BRWD1: variants seen among roughly 807,000 people sequenced by gnomAD.
BRWD1 encodes bromodomain and WD repeat-containing protein 1.
In BRWD1, 82 loss-of-function variants were observed where a neutral mutation model predicts 251.2. That is an observed-to-expected ratio of 0.33 (90% CI 0.27 to 0.39). The LOEUF (loss-of-function observed/expected upper bound fraction) is 0.39, where lower values mean the gene tolerates loss of function less well. Among genes scored for constraint, BRWD1 ranks in the 10% least tolerant of loss-of-function variants. The probability of loss-of-function intolerance (pLI) is 1.00; values close to 1 mark genes in which losing one functional copy is unlikely to be tolerated. For synonymous variants in BRWD1, 918 were observed against 902.8 expected (o/e 1.02, Z -0.30); for missense variants, 2,233 against 2,711.6 (o/e 0.82, Z 3.92).
upstream of BRWD1, chr21:39,313,993 C>G: frequency 4.7e-6 from 2 of 427,682 alleles, no homozygotes; most frequent in South Asian, 3.2e-5. Context: ...CCGCCGCCCC[C>G]CGTGGGACCT....
chr21:39,314,617 C>T, upstream of BRWD1: 1 of 341,084 alleles, frequency 2.9e-6, no homozygotes, highest in South Asian at 2.2e-5. Context: ...TGAGTTTCCT[C>T]CGCGCATCCA....
chr21:39,274,562 G>T, intron 12 of BRWD1, 90 bp from the exon 13 acceptor site: 8 of 1,040,364 alleles, frequency 7.7e-6, no homozygotes, highest in South Asian at 1.3e-5. Context: ...AGAATGTAAT[G>T]AAGCTGTCCT....
intron 8 of BRWD1, 83 bp downstream of exon 8, chr21:39,293,728 C>A: frequency 9.6e-7 from 1 of 1,037,616 alleles, no homozygotes; most frequent in Non-Finnish European, 1.4e-6. Flanking sequence ...ACACATCTTA[C>A]TATTTCTCAA....
At chr21:39,294,831 A>G (rs2035912030) in intron 7 of BRWD1, among the ~76,000 whole-genome samples, 1 of 152,172 alleles carries the variant, frequency 6.6e-6, no homozygotes, top group Admixed American at 6.6e-5. Flanking sequence ...TTACAGTACT[A>G]GCCAGCACCC....
chr21:39,188,808 A>G lies in BRWD1; in HGVS notation c.*7451T>C, dbSNP rs968955647. 2.0e-6 allele frequency: 2 copies of G among 985,230 alleles called. No homozygotes were observed. Among genetic ancestry groups the G allele is most frequent in the East Asian group, 1.1e-4 (1 of 8,832 alleles). The allele number at this position is 985,230 out of a possible 1,614,324, so 61.0% of individuals were successfully genotyped here. A position where few individuals can be genotyped will look rare whatever the true frequency, so the allele number is the denominator to read the frequency against. ...ACATACACATCAGTTCCTTTTGCCA[A>G]CTAACTTATGTGATTCACATGTTTT... On this transcript the variant is annotated 3_prime_UTR_variant, in exon 41 of 41. Transcript: ENST00000342449.
chr21:39,312,695 T>C, intron 4 of BRWD1, 146 bp downstream of exon 4: 2 of 457,230 alleles, frequency 4.4e-6, no homozygotes, highest in African/African-American at 4.2e-5. Flanking sequence ...AACAAAATCT[T>C]CAGCCGGGAA....
At chr21:39,236,917 C>T in intron 22 of BRWD1, 133 bp from the exon 23 acceptor site, 1 of 693,366 alleles carries the variant, frequency 1.4e-6, no homozygotes, top group Non-Finnish European at 2.4e-6. Context: ...TTAACTTGAG[C>T]ATTCTCCCCT....
At position 39,213,514 on chromosome 21, in the gene BRWD1, T is replaced by C. The variant is rs1429081711; in HGVS notation, c.3825A>G (p.Thr1275=). Residue 1275 remains threonine (T), a synonymous_variant, in exon 33 of 41, where the codon ACA becomes ACG. Coordinates refer to ENST00000342449, the MANE Select transcript of BRWD1 (RefSeq NM_033656.4). ...CAGCATTTTGCTCATCATTTTCAGATGTGTTAGAAAGTTCTGAGATATTTG... is the reference window on the plus strand; with the variant it reads ...CAGCATTTTGCTCATCATTTTCAGACGTGTTAGAAAGTTCTGAGATATTTG... ...HCTNISELSN[T]SENDEQNAED... The C allele has an allele frequency of 2.5e-6, 4 of 1,612,022 alleles. No individual in the cohort carries two copies. Among genetic ancestry groups the C allele is most frequent in the Non-Finnish European group, 3.4e-6 (4 of 1,179,318 alleles).
chr21:39,319,900 ATCT>A (rs377587275), intron 1 of BRWD1, among the ~76,000 whole-genome samples: 34 of 151,876 alleles, frequency 2.2e-4, no homozygotes, highest in African/African-American at 8.0e-4. Context: ...CCACTTCTGT[ATCT>A]TCTTTGGAGA....
At chr21:39,292,143 G>GGGGC (rs2035835237) in intron 8 of BRWD1, among the ~76,000 whole-genome samples, 1 of 94,676 alleles carries the variant, frequency 1.1e-5, no homozygotes, top group African/African-American at 4.1e-5. Context: ...GGGGGGGGGG[G>GGGGC]TCTCACTAAG....
At chr21:39,285,509 T>C (rs2035604454) in intron 8 of BRWD1, among the ~76,000 whole-genome samples, 1 of 152,188 alleles carries the variant, frequency 6.6e-6, no homozygotes, top group Non-Finnish European at 1.5e-5. Context: ...TGATAAATGC[T>C]TAGTGATGGA....
At chr21:39,225,660 GAATAT>G (rs981401821) in intron 27 of BRWD1, among the ~76,000 whole-genome samples, 26 of 152,054 alleles carry the variant, frequency 1.7e-4, no homozygotes, top group Admixed American at 9.2e-4. Flanking sequence ...CCCCAAGAAA[GAATAT>G]AATATACCTG....
intron 8 of BRWD1, among the ~76,000 whole-genome samples, chr21:39,290,144 A>C (rs917885571): frequency 1.3e-5 from 2 of 151,650 alleles, no homozygotes; most frequent in Non-Finnish European, 2.9e-5. Context: ...CCTCAATTCC[A>C]CTTCACTAAT....
intron 8 of BRWD1, among the ~76,000 whole-genome samples, chr21:39,284,877 G>A (rs143001180): frequency 3.3e-5 from 5 of 152,140 alleles, no homozygotes; most frequent in African/African-American, 9.6e-5. Context: ...TTGTCTCTTC[G>A]ATCTATATTG....
At chr21:39,294,906 C>A (rs953554456) in intron 7 of BRWD1, among the ~76,000 whole-genome samples, 1 of 152,140 alleles carries the variant, frequency 6.6e-6, no homozygotes, top group Admixed American at 6.5e-5. Flanking sequence ...TTAAACTTCT[C>A]ACCTCTCCTA....
intron 12 of BRWD1, among the ~76,000 whole-genome samples, chr21:39,275,649 C>T (rs974844323): frequency 3.3e-5 from 5 of 152,140 alleles, no homozygotes; most frequent in Non-Finnish European, 5.9e-5. Flanking sequence ...TGTTTATTGG[C>T]TTGATTTAAT....
At position 39,200,358 on chromosome 21, in the gene BRWD1, G is replaced by A; in HGVS notation, c.4614C>T (p.Thr1538=). The change falls in exon 39 of 41, where the codon ACC becomes ACT. Residue 1538 remains threonine (T), a synonymous_variant. Transcript: ENST00000342449. ...SESEVEDSLA[T]SLSSSASSSS... ...TACTGGAAGCTGACGATGACAAAGA[G>A]GTAGCTAAAGAATCTTCCACTTCAC... The A allele has an allele frequency of 1.2e-6, 2 of 1,611,952 alleles. No homozygotes were observed. The highest frequency in any genetic ancestry group is 8.5e-7 in the Non-Finnish European group (1 of 1,179,422).
chr21:39,281,879 A>AAAAT (rs571089151), intron 8 of BRWD1, among the ~76,000 whole-genome samples: 1,982 of 83,196 alleles, frequency 0.024, 43 homozygotes, highest in African/African-American at 0.088. Flanking sequence ...TACCAAAAAA[A>AAAAT]ATATATATAT....
intron 39 of BRWD1, among the ~76,000 whole-genome samples, 191 bp from the exon 40 acceptor site, chr21:39,199,853 C>T (rs1403250648): frequency 2.6e-5 from 4 of 152,126 alleles, no homozygotes; most frequent in African/African-American, 4.8e-5. Context: ...TGGGTGCAAG[C>T]GATTCTCCTA....
Sources: gnomAD v4.1 joint callset for allele counts (sites outside exome capture counted in the v4.1 genomes callset) on GRCh38, gnomAD v4.1.1 for gene constraint, MANE v1.5 for transcripts, NCBI Gene and HGNC (gene_info 2026-07-23, HGNC 2026-07-21) for gene names.